Variants in SUMF1 observed in about 807,000 individuals in gnomAD.
The protein encoded by SUMF1 is formylglycine-generating enzyme.
In SUMF1, 48 loss-of-function variants were observed where a neutral mutation model predicts 47.6. The ratio of observed to expected loss-of-function variants is 1.01; its 90% confidence interval spans 0.80 to 1.28. The LOEUF is 1.28. SUMF1 is among the 50% of genes most tolerant of loss of function. The pLI, the probability that SUMF1 is intolerant of heterozygous loss-of-function variation, is 0.00. For synonymous variants in SUMF1, 230 were observed against 192.1 expected, an observed-to-expected ratio of 1.20 and a Z score of -1.63; for missense variants, 571 against 485.4, an observed-to-expected ratio of 1.18 and a Z score of -1.66.
chr3:4,444,214 C>G (rs1372577726), intron 3 of SUMF1, among the ~76,000 whole-genome samples: 1 of 152,158 alleles, frequency 6.6e-6, no homozygotes, highest in East Asian at 1.9e-4. Context: ...GATTTCATAT[C>G]CAGAAAAGTT....
chr3:4,217,169 G>C (rs952377519), intron 8 of SUMF1, among the ~76,000 whole-genome samples: 2 of 152,002 alleles, frequency 1.3e-5, no homozygotes, highest in Non-Finnish European at 2.9e-5. Context: ...ACACACCATG[G>C]AATACTATGC....
intron 8 of SUMF1, among the ~76,000 whole-genome samples, chr3:4,266,106 A>G (rs1369658707): frequency 2.0e-5 from 3 of 152,196 alleles, no homozygotes; most frequent in African/African-American, 4.8e-5. Flanking sequence ...TTTTGATACC[A>G]GTACCATGCT....
chr3:4,425,165 G>C (rs1702029287), intron 3 of SUMF1, among the ~76,000 whole-genome samples: 1 of 152,180 alleles, frequency 6.6e-6, no homozygotes, highest in Non-Finnish European at 1.5e-5. Context: ...ATAGTGGTAA[G>C]AGTATCTGAC....
intron 3 of SUMF1, among the ~76,000 whole-genome samples, chr3:4,435,322 C>T (rs1702362554): frequency 6.6e-6 from 1 of 152,108 alleles, no homozygotes. Flanking sequence ...AATAGGGAAC[C>T]TGAAGACATA....
chr3:4,418,769 T>C (rs1701800532), intron 4 of SUMF1, among the ~76,000 whole-genome samples: 1 of 152,202 alleles, frequency 6.6e-6, no homozygotes. Context: ...CTTTCAATTC[T>C]GTGTCTTTCT....
At chr3:4,338,227 A>T (rs1699194725) in intron 8 of SUMF1, among the ~76,000 whole-genome samples, 1 of 152,086 alleles carries the variant, frequency 6.6e-6, no homozygotes. Context: ...GGGAGCTACA[A>T]TCACACCATG....
chr3:4,163,765 G>A (rs1694637501), intron 8 of SUMF1, among the ~76,000 whole-genome samples: 1 of 152,062 alleles, frequency 6.6e-6, no homozygotes, highest in Admixed American at 6.5e-5. Context: ...ATCATAAAGG[G>A]AGATCAAGAT....
chr3:4,282,421 T>G (rs1697547263), intron 8 of SUMF1, among the ~76,000 whole-genome samples: 1 of 152,240 alleles, frequency 6.6e-6, no homozygotes, highest in Admixed American at 6.5e-5. Context: ...TCTTAATTTC[T>G]ACAATAATTA....
At chr3:4,230,006 T>G (rs998794877) in intron 8 of SUMF1, among the ~76,000 whole-genome samples, 1 of 151,760 alleles carries the variant, frequency 6.6e-6, no homozygotes, top group African/African-American at 2.4e-5. Flanking sequence ...GAGTGAGACC[T>G]TGTCACCAAA....
At chr3:4,393,216 T>C (rs1416904117) in intron 7 of SUMF1, among the ~76,000 whole-genome samples, 4 of 152,208 alleles carry the variant, frequency 2.6e-5, no homozygotes, top group Non-Finnish European at 5.9e-5. Flanking sequence ...AACGTGAGTC[T>C]GCTTTTTTAG....
At chr3:4,441,451 A>G (rs1270534788) in intron 3 of SUMF1, among the ~76,000 whole-genome samples, 1 of 152,212 alleles carries the variant, frequency 6.6e-6, no homozygotes, top group African/African-American at 2.4e-5. Context: ...AATTTGCTTC[A>G]AACATCCCAA....
chr3:4,424,705 A>G (rs935746615), intron 3 of SUMF1, among the ~76,000 whole-genome samples: 1 of 152,274 alleles, frequency 6.6e-6, no homozygotes, highest in Non-Finnish European at 1.5e-5. Flanking sequence ...ATATACTGTC[A>G]TAAAGGTAAC....
chr3:4,243,265 A>C (rs1371458297), intron 8 of SUMF1, among the ~76,000 whole-genome samples: 1 of 151,970 alleles, frequency 6.6e-6, no homozygotes, highest in Non-Finnish European at 1.5e-5. Flanking sequence ...TACCTCCTTC[A>C]GTTTTGCTCT....
At chr3:4,378,744 T>C (rs185960528) in intron 7 of SUMF1, among the ~76,000 whole-genome samples, 1 of 152,344 alleles carries the variant, frequency 6.6e-6, no homozygotes, top group East Asian at 1.9e-4. Flanking sequence ...TCCTACACTG[T>C]TTCTCGCTTA....
At chr3:4,192,536 A>G (rs1695341224) in intron 8 of SUMF1, among the ~76,000 whole-genome samples, 1 of 152,122 alleles carries the variant, frequency 6.6e-6, no homozygotes, top group Admixed American at 6.6e-5. Context: ...TTAAAAAAAT[A>G]CATACTATTG....
intron 8 of SUMF1, among the ~76,000 whole-genome samples, chr3:4,173,327 G>A (rs1025860399): frequency 1.3e-5 from 2 of 152,082 alleles, no homozygotes; most frequent in African/African-American, 2.4e-5. Flanking sequence ...AAACCACAAT[G>A]AGACACCATC....
downstream of SUMF1, among the ~76,000 whole-genome samples, chr3:4,356,459 T>C (rs963461242): frequency 1.3e-5 from 2 of 152,106 alleles, no homozygotes; most frequent in Non-Finnish European, 2.9e-5. Flanking sequence ...AGGAGTCTCA[T>C]AAGGCATTTC....
At chr3:4,447,198 A>T (rs181665271) in intron 3 of SUMF1, among the ~76,000 whole-genome samples, 57 of 152,110 alleles carry the variant, frequency 3.7e-4, no homozygotes, top group African/African-American at 1.2e-3. Context: ...GATTTTTTTA[A>T]AAAAAAAGGA....
At chr3:4,050,341 T>C (rs966409891) in intron 9 of SUMF1, among the ~76,000 whole-genome samples, 2 of 151,972 alleles carry the variant, frequency 1.3e-5, no homozygotes, top group Non-Finnish European at 2.9e-5. Flanking sequence ...ATAAAATCAC[T>C]GAAATTGCTA....
Sources: gnomAD v4.1 joint callset for allele counts (sites outside exome capture counted in the v4.1 genomes callset) on GRCh38, gnomAD v4.1.1 for gene constraint, MANE v1.5 for transcripts, NCBI Gene and HGNC (gene_info 2026-07-23, HGNC 2026-07-21) for gene names.